The following HSPA12A variants were observed in gnomAD, a reference collection of about 807,000 sequenced individuals.
HSPA12A encodes heat shock 70 kDa protein 12A.
HSPA12A carries 28 observed loss-of-function variants against 69.2 expected under a neutral mutation model. The observed-to-expected ratio is 0.40, with a 90% CI of 0.30 to 0.55. The LOEUF is 0.55. Ranked by LOEUF, HSPA12A falls within the 20% of genes least tolerant of loss-of-function variation. The pLI is 0.38. For missense variants in HSPA12A, 686 were observed against 900.7 expected (o/e 0.76, Z 3.05); for synonymous variants, 345 against 370.5 (o/e 0.93, Z 0.79).
chr10:116,792,328 A>G (rs1844717687), intron 2 of HSPA12A, among the ~76,000 whole-genome samples: 1 of 151,382 alleles, frequency 6.6e-6, no homozygotes, highest in African/African-American at 2.4e-5. Context: ...GGAGGTTAAG[A>G]GACAAAGAGT....
intron 2 of HSPA12A, among the ~76,000 whole-genome samples, chr10:116,824,457 AC>A (rs1208460333): frequency 1.3e-5 from 2 of 152,236 alleles, no homozygotes; most frequent in African/African-American, 4.8e-5. Context: ...GTCCATATCA[AC>A]ATTATTCATA....
upstream of HSPA12A, among the ~76,000 whole-genome samples, chr10:116,744,651 G>A (rs1377161247): frequency 2.0e-5 from 3 of 152,250 alleles, no homozygotes; most frequent in African/African-American, 7.2e-5. Flanking sequence ...TTGCCCTCAC[G>A]GCCTTCATGC....
At chr10:116,809,584 A>G (rs1253939710) in intron 2 of HSPA12A, among the ~76,000 whole-genome samples, 1 of 152,180 alleles carries the variant, frequency 6.6e-6, no homozygotes, top group East Asian at 1.9e-4. Flanking sequence ...CGTCAGCAAT[A>G]CTGCCGCTGC....
At chr10:116,787,750 C>T (rs1380489528) in intron 2 of HSPA12A, among the ~76,000 whole-genome samples, 1 of 152,120 alleles carries the variant, frequency 6.6e-6, no homozygotes, top group Non-Finnish European at 1.5e-5. Context: ...CCAAAAACTT[C>T]AGAAGGTGAA....
intron 2 of HSPA12A, among the ~76,000 whole-genome samples, chr10:116,826,962 T>C (rs1845519411): frequency 6.6e-6 from 1 of 152,148 alleles, no homozygotes; most frequent in South Asian, 2.1e-4. Context: ...AGGAATCACG[T>C]CATTTGCTCG....
At chr10:116,770,266 G>A (rs1432561525) in intron 2 of HSPA12A, among the ~76,000 whole-genome samples, 2 of 152,152 alleles carry the variant, frequency 1.3e-5, no homozygotes, top group East Asian at 1.9e-4. Flanking sequence ...TGGCTTATGC[G>A]GCCCCTGTGA....
At position 116,683,976 on chromosome 10, in the gene HSPA12A, A is replaced by G. The variant is rs781797913; in HGVS notation, c.664-14T>C. On this transcript the variant is annotated splice_polypyrimidine_tract_variant and intron_variant, in intron 6 of 11. Transcript: ENST00000369209. ...GGCCAGGCCTGCCTGGAAGACAGAA[A>G]CAGAGGCTGGGACCCAGGGCCCCCT... 3.2e-5 allele frequency: 49 copies of G among 1,548,396 alleles called. No homozygotes were observed. The highest frequency in any genetic ancestry group is 4.2e-5 in the Non-Finnish European group (48 of 1,138,354).
chr10:116,711,487 G>A (rs1284552487), intron 1 of HSPA12A, among the ~76,000 whole-genome samples: 1 of 152,152 alleles, frequency 6.6e-6, no homozygotes, highest in Non-Finnish European at 1.5e-5. Flanking sequence ...CAAGGACAGA[G>A]CTAAAGGAAC....
At chr10:116,800,582 T>G (rs1050336595) in intron 2 of HSPA12A, among the ~76,000 whole-genome samples, 2 of 151,960 alleles carry the variant, frequency 1.3e-5, no homozygotes, top group Non-Finnish European at 2.9e-5. Flanking sequence ...TCACTGGGAG[T>G]CTCTGTTTTT....
intron 2 of HSPA12A, among the ~76,000 whole-genome samples, chr10:116,784,515 G>A (rs1439526021): frequency 1.3e-5 from 2 of 152,210 alleles, no homozygotes; most frequent in African/African-American, 4.8e-5. Context: ...AGTGGTACCT[G>A]GACTCTGTAG....
chr10:116,773,866 G>T (rs563391610), intron 2 of HSPA12A, among the ~76,000 whole-genome samples: 5 of 152,340 alleles, frequency 3.3e-5, no homozygotes, highest in African/African-American at 1.2e-4. Flanking sequence ...TGGTGACGGG[G>T]TGGAGGACTT....
intron 2 of HSPA12A, among the ~76,000 whole-genome samples, chr10:116,795,683 CAAAAAAA>C (rs146305919): frequency 3.4e-4 from 42 of 122,634 alleles, no homozygotes; most frequent in Admixed American, 1.2e-3. Flanking sequence ...GATTCTGTCT[CAAAAAAA>C]AAAAAAAAAA....
intron 2 of HSPA12A, chr10:116,750,749 A>G: frequency 5.7e-6 from 1 of 173,930 alleles, no homozygotes; most frequent in South Asian, 1.4e-4. Flanking sequence ...GCCAAGCGGG[A>G]GGATTGCTTG....
intron 2 of HSPA12A, among the ~76,000 whole-genome samples, chr10:116,818,033 G>A (rs1249535048): frequency 6.6e-6 from 1 of 152,150 alleles, no homozygotes; most frequent in Non-Finnish European, 1.5e-5. Flanking sequence ...AGGAGTGATC[G>A]TTTCTCACCT....
chr10:116,754,029 T>C (rs1373833382), intron 2 of HSPA12A, among the ~76,000 whole-genome samples: 9 of 152,122 alleles, frequency 5.9e-5, no homozygotes, highest in Admixed American at 5.2e-4. Flanking sequence ...GTAGGCAACA[T>C]AGTAGAGACA....
intron 1 of HSPA12A, among the ~76,000 whole-genome samples, chr10:116,840,438 CA>C (rs1173407846): frequency 6.6e-6 from 1 of 151,856 alleles, no homozygotes; most frequent in Non-Finnish European, 1.5e-5. Flanking sequence ...GTTCTTACCC[CA>C]AAAAAACATA....
intron 2 of HSPA12A, among the ~76,000 whole-genome samples, chr10:116,772,162 G>T (rs1230345973): frequency 6.6e-6 from 1 of 152,132 alleles, no homozygotes; most frequent in Non-Finnish European, 1.5e-5. Context: ...GTGTCTCTGG[G>T]ACATGCAAGT....
At chr10:116,837,537 G>T (rs1268908869) in intron 1 of HSPA12A, among the ~76,000 whole-genome samples, 1 of 152,054 alleles carries the variant, frequency 6.6e-6, no homozygotes, top group African/African-American at 2.4e-5. Context: ...ACCATCTATG[G>T]CAATAAATCT....
chr10:116,690,318 T>C (rs2132935462), intron 6 of HSPA12A, among the ~76,000 whole-genome samples: 1 of 152,266 alleles, frequency 6.6e-6, no homozygotes, highest in South Asian at 2.1e-4. Flanking sequence ...CCTGCCTTGG[T>C]TGGGTATAGA....
Sources: allele counts gnomAD v4.1 joint callset (sites outside exome capture counted in the v4.1 genomes callset), GRCh38; gene constraint gnomAD v4.1.1; transcripts MANE v1.5; gene names NCBI Gene and HGNC (gene_info 2026-07-23, HGNC 2026-07-21).